The following SLC16A10 variants were observed in gnomAD, a reference collection of about 807,000 sequenced individuals.
The protein encoded by SLC16A10 is solute carrier family 16 member 10.
In SLC16A10, 27 loss-of-function variants were observed where a neutral mutation model predicts 40.0. That is an observed-to-expected ratio of 0.67 (90% confidence interval 0.50 to 0.93). The LOEUF (loss-of-function observed/expected upper bound fraction) is 0.93, where lower values mean the gene tolerates loss of function less well. Ranked by LOEUF, SLC16A10 falls within the 40% of genes least tolerant of loss-of-function variation. The probability of loss-of-function intolerance (pLI) is 0.00; values close to 1 mark genes in which losing one functional copy is unlikely to be tolerated. For missense variants in SLC16A10, 529 were observed against 658.2 expected (o/e 0.80, Z 2.15); for synonymous variants, 213 against 249.8 (o/e 0.85, Z 1.39).
chr6:111,110,781 A>G (rs943758308), intron 1 of SLC16A10, among the ~76,000 whole-genome samples: 9 of 152,308 alleles, frequency 5.9e-5, no homozygotes, highest in Non-Finnish European at 1.3e-4. Flanking sequence ...TGATAGGTGA[A>G]CTATACAATT....
intron 1 of SLC16A10, among the ~76,000 whole-genome samples, chr6:111,108,842 T>A (rs1274330770): frequency 2.0e-5 from 3 of 152,220 alleles, no homozygotes; most frequent in Non-Finnish European, 2.9e-5. Context: ...ATGTACATTG[T>A]AAATTGTTGC....
intron 1 of SLC16A10, among the ~76,000 whole-genome samples, chr6:111,159,792 A>G (rs945029790): frequency 8.5e-5 from 13 of 152,194 alleles, no homozygotes; most frequent in African/African-American, 3.1e-4. Context: ...TTGTTGCTCT[A>G]CATCCTCACC....
Position 111,142,532 on chromosome 6 carries a change from AAAAG to A in SLC16A10, c.344-30159_344-30156del, listed in dbSNP as rs202051088. Among the ~76,000 whole-genome samples the A allele has an allele frequency of 3.0e-4, 46 of 152,358 alleles. 1 individual carries two copies. In the East Asian group the frequency reaches 7.5e-3, roughly 25 times the overall value. The stretch of plus-strand genomic sequence containing the variant: ...AGGAACTCTTAAAACTGAACAATAA[AAAAG>A]AAACCTGATTTTAAAATGTGCCAAA... On this transcript the variant is annotated intron_variant, in intron 1 of 5. Coordinates refer to ENST00000368851, the MANE Select transcript of SLC16A10 (RefSeq NM_018593.5).
intron 1 of SLC16A10, among the ~76,000 whole-genome samples, chr6:111,098,566 A>G (rs1202422503): frequency 2.6e-5 from 4 of 152,200 alleles, no homozygotes; most frequent in African/African-American, 9.6e-5. Flanking sequence ...AAAAATAGAA[A>G]ACTACCTGTT....
chr6:111,149,452 A>G (rs1270504677), intron 1 of SLC16A10, among the ~76,000 whole-genome samples: 1 of 152,314 alleles, frequency 6.6e-6, no homozygotes, highest in South Asian at 2.1e-4. Flanking sequence ...ATCATAATGG[A>G]TCATATGATT....
intron 1 of SLC16A10, among the ~76,000 whole-genome samples, chr6:111,132,337 T>A (rs1305365431): frequency 6.6e-6 from 1 of 152,226 alleles, no homozygotes; most frequent in Non-Finnish European, 1.5e-5. Context: ...TTAAAACCTA[T>A]AATTGATAAT....
chr6:111,174,198 G>T (rs993166279), intron 2 of SLC16A10, among the ~76,000 whole-genome samples: 3 of 152,252 alleles, frequency 2.0e-5, no homozygotes, highest in African/African-American at 7.2e-5. Context: ...CTCTACTTTA[G>T]TGGTTTATCT....
At chr6:111,178,680 C>A in intron 3 of SLC16A10, 1 of 201,890 alleles carries the variant, frequency 5.0e-6, no homozygotes, top group Non-Finnish European at 1.0e-5. Context: ...TACAATTCAC[C>A]GTAAATGATA....
At chr6:111,109,408 TTTC>T (rs1367927475) in intron 1 of SLC16A10, among the ~76,000 whole-genome samples, 1 of 152,158 alleles carries the variant, frequency 6.6e-6, no homozygotes, top group Non-Finnish European at 1.5e-5. Flanking sequence ...TTAGTAGTTC[TTTC>T]TTTTTTATTA....
intron 3 of SLC16A10, among the ~76,000 whole-genome samples, chr6:111,189,708 G>C (rs1772958293): frequency 6.6e-6 from 1 of 152,080 alleles, no homozygotes; most frequent in South Asian, 2.1e-4. Flanking sequence ...ATGTGCAGGG[G>C]AACTGCCCTT....
Position 111,222,197 on chromosome 6 carries a change from T to C in SLC16A10, c.1510T>C (p.Ser504Pro). The change falls in exon 6 of 6, where the codon TCT (serine) becomes CCT (proline). Residue 504 changes from serine (S) to proline (P), a missense_variant. Coordinates refer to ENST00000368851, the MANE Select transcript of SLC16A10 (RefSeq NM_018593.5). ...CCAGAACTCTCTGCTGTCAAGTTCA[T>C]CTGGAATGTTCAAGAAAGAATCTGA... ...ENQNSLLSSS[S>P]GMFKKESDSI... The C allele has an allele frequency of 1.2e-6, 2 of 1,606,846 alleles. No homozygotes were observed. The highest frequency in any genetic ancestry group is 1.1e-5 in the South Asian group (1 of 89,434).
At chr6:111,099,644 T>C (rs1239289906) in intron 1 of SLC16A10, among the ~76,000 whole-genome samples, 1 of 152,170 alleles carries the variant, frequency 6.6e-6, no homozygotes, top group Non-Finnish European at 1.5e-5. Context: ...AAAAATCCTA[T>C]TTTGTATGGA....
rs537548710 is a variant in SLC16A10 at position 111,177,221 on chromosome 6, G to A, written c.498G>A (p.Glu166=). 4 of 1,524,464 alleles carry A rather than the reference G, an allele frequency of 2.6e-6. No homozygotes were observed. Among genetic ancestry groups the A allele is most frequent in the African/African-American group, 2.8e-5 (2 of 71,836 alleles). 94.4% of individuals were successfully genotyped at this position (1,524,464 alleles called of 1,614,324 possible). The change falls in exon 3 of 6, where the codon GAG becomes GAA. Residue 166 remains glutamate, a synonymous_variant. Coordinates refer to ENST00000368851, the MANE Select transcript of SLC16A10 (RefSeq NM_018593.5). ...TTTCATCTTTATACAGTTCCATCGAGCCTCTGTACCTTACCTATGGAATCA... is the reference window on the plus strand; with the variant it reads ...TTTCATCTTTATACAGTTCCATCGAACCTCTGTACCTTACCTATGGAATCA... The part of the protein sequence containing the change: ...LMSSSFVSSI[E]PLYLTYGIIF...
chr6:111,194,066 C>G (rs1023329680), intron 3 of SLC16A10, among the ~76,000 whole-genome samples: 2 of 152,148 alleles, frequency 1.3e-5, no homozygotes, highest in South Asian at 2.1e-4. Context: ...AGCCCCAGCA[C>G]CTAGAATGTG....
chr6:111,139,446 C>T (rs111447858), intron 1 of SLC16A10, among the ~76,000 whole-genome samples: 1,835 of 152,120 alleles, frequency 0.012, 24 homozygotes, highest in African/African-American at 0.043. Flanking sequence ...GGACTACAGG[C>T]GCGTGCCACC....
intron 1 of SLC16A10, among the ~76,000 whole-genome samples, chr6:111,155,694 G>C (rs1390533729): frequency 6.6e-6 from 1 of 152,184 alleles, no homozygotes; most frequent in East Asian, 1.9e-4. Flanking sequence ...AGAAGAGTTG[G>C]AGGTGTATGT....
intron 1 of SLC16A10, among the ~76,000 whole-genome samples, chr6:111,158,110 G>A (rs953457705): frequency 1.3e-5 from 2 of 152,038 alleles, no homozygotes; most frequent in African/African-American, 4.8e-5. Flanking sequence ...GTGAAGAGAA[G>A]TTTTAATTTC....
chr6:111,123,168 G>A (rs1172439094), intron 1 of SLC16A10, among the ~76,000 whole-genome samples: 1 of 152,098 alleles, frequency 6.6e-6, no homozygotes, highest in African/African-American at 2.4e-5. Context: ...TCCTGTCGGG[G>A]TTGATCTCTG....
chr6:111,129,033 C>T (rs983987781), intron 1 of SLC16A10, among the ~76,000 whole-genome samples: 2 of 151,380 alleles, frequency 1.3e-5, no homozygotes, highest in Non-Finnish European at 1.5e-5. Flanking sequence ...TATAGAGTAT[C>T]TACTTATTTT....
Sources: allele counts gnomAD v4.1 joint callset (sites outside exome capture counted in the v4.1 genomes callset), GRCh38; gene constraint gnomAD v4.1.1; transcripts MANE v1.5; gene names NCBI Gene and HGNC (gene_info 2026-07-23, HGNC 2026-07-21).